Variants in DIDO1 observed in about 807,000 individuals in gnomAD.
DIDO1 encodes death-inducer obliterator 1.
Under a neutral mutation model 99.4 loss-of-function variants are expected in DIDO1, and 16 were observed. The ratio of observed to expected loss-of-function variants is 0.16; its 90% CI spans 0.11 to 0.24. The LOEUF (loss-of-function observed/expected upper bound fraction) is 0.24, where lower values mean the gene tolerates loss of function less well. Ranked by LOEUF, DIDO1 falls within the 10% of genes least tolerant of loss-of-function variation. The probability of loss-of-function intolerance (pLI) is 1.00; values close to 1 mark genes in which losing one functional copy is unlikely to be tolerated. For synonymous variants in DIDO1, 1,366 were observed against 1,239.1 expected, an observed-to-expected ratio of 1.10 and a Z score of -2.15; for missense variants, 2,996 against 3,014.0, an observed-to-expected ratio of 0.99 and a Z score of 0.14.
rs1600895379 is a variant in DIDO1 at position 62,879,943 on chromosome 20, T to G, written c.6013A>C (p.Thr2005Pro). 1 of 1,603,404 alleles carries G rather than the reference T, an allele frequency of 6.2e-7. No homozygotes were observed. Residue 2005 changes from threonine (T) to proline (P), a missense_variant, in exon 16 of 16, where the codon ACC (threonine) becomes CCC (proline). Physicochemically the swap from Thr to Pro is conservative, Grantham distance 38. This residue lies in a region of DIDO1 where 1,562 missense variants were observed against 1,412.6 expected (regional missense o/e 1.11). Transcript: ENST00000395343. The surrounding 1 kb of genome is among the most constrained non-coding windows in gnomAD (Gnocchi z 6.3). ...SAPFSEKNEQ[T>P]PSRFHFQGQA... The stretch of plus-strand genomic sequence containing the variant: ...CCCTGGAAGTGAAATCGCGAAGGGG[T>G]CTGCTCATTTTTTTCAGAAAAGGGT...
At chr20:62,932,538 T>C (rs891038911) in intron 1 of DIDO1, among the ~76,000 whole-genome samples, 14 of 152,092 alleles carry the variant, frequency 9.2e-5, no homozygotes, top group African/African-American at 3.1e-4. Context: ...TCAAATGAAA[T>C]AGTACATAAA....
chr20:62,901,750 A>G (rs1402759173), intron 6 of DIDO1, among the ~76,000 whole-genome samples: 1 of 151,262 alleles, frequency 6.6e-6, no homozygotes, highest in Admixed American at 6.6e-5. Context: ...TCTTGTCAAT[A>G]TTCTAAGTTA....
intron 1 of DIDO1, among the ~76,000 whole-genome samples, chr20:62,935,293 C>T (rs1327702641): frequency 6.6e-6 from 1 of 152,160 alleles, no homozygotes; most frequent in Non-Finnish European, 1.5e-5. Flanking sequence ...TTAAGATCCT[C>T]ATAATCATTC....
chr20:62,923,559 G>A (rs767436703), intron 1 of DIDO1, among the ~76,000 whole-genome samples: 1 of 152,178 alleles, frequency 6.6e-6, no homozygotes, highest in African/African-American at 2.4e-5. Flanking sequence ...CAGACAAGCC[G>A]GCCAGGGCAG....
At chr20:62,902,929 C>G (rs2064715825) in intron 6 of DIDO1, among the ~76,000 whole-genome samples, 1 of 151,926 alleles carries the variant, frequency 6.6e-6, no homozygotes, top group African/African-American at 2.4e-5. Context: ...CTATCAAATA[C>G]CATCTCAAAA....
chr20:62,903,963 C>A (rs1276468898), intron 6 of DIDO1, among the ~76,000 whole-genome samples: 1 of 152,194 alleles, frequency 6.6e-6, no homozygotes, highest in Non-Finnish European at 1.5e-5. Context: ...GAAGCAATAA[C>A]CCAGGGCTGA....
intron 1 of DIDO1, among the ~76,000 whole-genome samples, chr20:62,933,133 A>AC (rs1342694060): frequency 1.3e-5 from 2 of 152,166 alleles, no homozygotes; most frequent in African/African-American, 2.4e-5. Flanking sequence ...AATCGCTTAA[A>AC]CCGGTAGGCG....
In DIDO1 at chr20:62,881,123, T is replaced by C. The variant is rs765247744; in HGVS notation, c.4833A>G (p.Glu1611=). The C allele has an allele frequency of 6.2e-7, 1 of 1,609,192 alleles. No individual in the cohort carries two copies. The highest frequency in any genetic ancestry group is 1.1e-5 in the South Asian group (1 of 90,962). The change falls in exon 16 of 16, where the codon GAA becomes GAG. Residue 1611 remains glutamate (E), a synonymous_variant. Transcript: ENST00000395343. The surrounding 1 kb of genome is among the most constrained non-coding windows in gnomAD (Gnocchi z 8.3). Reference sequence around the variant, plus strand: ...CCCAGGGGGAAGAGGCTGGCTCTTTTTCCTCCGGGACTGGCATGGGCGCCT... The same window carrying C: ...CCCAGGGGGAAGAGGCTGGCTCTTTCTCCTCCGGGACTGGCATGGGCGCCT... The part of the protein sequence containing the change: ...VGQAPMPVPE[E]KEPASSPWAS...
At chr20:62,920,000 CTT>C (rs1050519819) in intron 1 of DIDO1, among the ~76,000 whole-genome samples, 6 of 152,204 alleles carry the variant, frequency 3.9e-5, no homozygotes, top group South Asian at 2.1e-4. Context: ...ATGGACTCCT[CTT>C]GTCTCAGTAA....
intron 15 of DIDO1, chr20:62,889,986 G>A (rs2064365181): frequency 6.1e-6 from 6 of 985,470 alleles, no homozygotes; most frequent in Non-Finnish European, 7.2e-6. Context: ...CAGAAGTCCC[G>A]CCCAAGATGT....
rs773618985 is a variant in DIDO1 at position 62,911,217 on chromosome 20, C to T, written c.396G>A (p.Val132=). Residue 132 remains valine, a synonymous_variant, in exon 3 of 16, where the codon GTG becomes GTA. Transcript: ENST00000395343. This position sits in a 1 kb window ranked among gnomAD's most constrained non-coding sequence, Gnocchi z 7.0. ...TTTCAGAAGAGGCTGGTCGTTCCTT[C>T]ACAGCTGTGGAAGCAGACTGGGGGC... ...RSGPQSASTA[V]KERPASSEKV... is the part of the protein sequence containing the mutation. 6.2e-7 allele frequency: 1 copy of T among 1,613,720 alleles called. No homozygotes were observed. The highest frequency in any genetic ancestry group is 8.5e-7 in the Non-Finnish European group (1 of 1,180,044).
intron 1 of DIDO1, among the ~76,000 whole-genome samples, 178 bp from the exon 2 acceptor site, chr20:62,914,584 C>G (rs955728543): frequency 4.6e-5 from 7 of 152,166 alleles, no homozygotes; most frequent in African/African-American, 1.7e-4. Context: ...GACCTCTACC[C>G]AGGACAGCAG....
rs367732314 is a variant in DIDO1, at chr20:62,935,861, C to T, written c.-200+1935G>A. Among the ~76,000 whole-genome samples, 14 of 152,256 alleles carry T rather than the reference C, an allele frequency of 9.2e-5. No individual in the cohort carries two copies. In the East Asian group the frequency reaches 1.7e-3, roughly 19 times the overall value. ...GGAGTTACGGAGACATCCTGGCAAT[C>T]CAAAAAGCAAAGATGATGGCTTCCA... On this transcript the variant is annotated intron_variant, in intron 1 of 15. Transcript: ENST00000266070.
At chr20:62,899,130 G>A (rs1378636195) in intron 6 of DIDO1, among the ~76,000 whole-genome samples, 1 of 152,210 alleles carries the variant, frequency 6.6e-6, no homozygotes, top group African/African-American at 2.4e-5. Flanking sequence ...CAGGAACCAA[G>A]CCCCGGTCTC....
chr20:62,911,956 G>A lies in DIDO1; in HGVS notation c.-2-342C>T, dbSNP rs1313663535. Among the ~76,000 whole-genome samples, 1 of 152,216 alleles carries A rather than the reference G, an allele frequency of 6.6e-6. No homozygotes were observed. Among genetic ancestry groups the A allele is most frequent in the Non-Finnish European group, 1.5e-5 (1 of 68,028 alleles). On this transcript the variant is annotated intron_variant, in intron 2 of 15. Coordinates refer to ENST00000395343, the MANE Select transcript of DIDO1 (RefSeq NM_001193369.2). The surrounding 1 kb of genome is among the most constrained non-coding windows in gnomAD (Gnocchi z 7.0). Reference sequence around the variant, plus strand: ...ACAGTATAGCAGGGTAAGGATGTGAGTAAGGACGTGAGCAAGGACGCGAGC... The same window carrying A: ...ACAGTATAGCAGGGTAAGGATGTGAATAAGGACGTGAGCAAGGACGCGAGC...
chr20:62,917,531 T>C (rs1307586541), intron 1 of DIDO1, among the ~76,000 whole-genome samples: 1 of 152,218 alleles, frequency 6.6e-6, no homozygotes, highest in Non-Finnish European at 1.5e-5. Context: ...GTCTGAAAAC[T>C]GTCCTCCGTC....
intron 15 of DIDO1, among the ~76,000 whole-genome samples, chr20:62,883,902 G>C (rs1231157822): frequency 2.0e-5 from 3 of 152,196 alleles, no homozygotes; most frequent in Admixed American, 6.5e-5. Context: ...CTACTCAGGA[G>C]GCTTGAGGCA....
rs577566545 is a variant in DIDO1, at chr20:62,891,366, G to A, written c.3346-211C>T. Among the ~76,000 whole-genome samples, 119 of 152,302 alleles carry A rather than the reference G, an allele frequency of 7.8e-4. 1 individual carries two copies. Among genetic ancestry groups the A allele is most frequent in the Non-Finnish European group, 9.4e-4 (64 of 68,024 alleles). On this transcript the variant is annotated intron_variant, in intron 14 of 15. Transcript: ENST00000395343. Reference sequence around the variant, plus strand: ...AGCCGGCTCTTCCTACATGCACGACGGCCCCGGTCACGAGGAACCAGCTGC... The same window carrying A: ...AGCCGGCTCTTCCTACATGCACGACAGCCCCGGTCACGAGGAACCAGCTGC...
intron 4 of DIDO1, among the ~76,000 whole-genome samples, 196 bp from the exon 5 acceptor site, chr20:62,907,555 G>A (rs1021457941): frequency 2.0e-5 from 3 of 152,236 alleles, no homozygotes; most frequent in African/African-American, 7.2e-5. Flanking sequence ...CACTGTCACT[G>A]CCCGTCATGC....
Sources: allele counts gnomAD v4.1 joint callset (sites outside exome capture counted in the v4.1 genomes callset), GRCh38; gene constraint gnomAD v4.1.1; regional missense constraint gnomAD v4.1.1; non-coding constraint Gnocchi (gnomAD v3.1); transcripts MANE v1.5; gene names NCBI Gene and HGNC (gene_info 2026-07-23, HGNC 2026-07-21).